AUTS2: variants seen among roughly 807,000 people sequenced by gnomAD.
AUTS2 encodes the protein autism susceptibility gene 2 protein.
AUTS2 carries 17 observed loss-of-function variants against 112.4 expected under a neutral mutation model. The observed-to-expected ratio is 0.15, with a 90% CI of 0.10 to 0.23. The LOEUF is 0.23. Ranked by LOEUF, AUTS2 falls within the 10% of genes least tolerant of loss-of-function variation. The probability of loss-of-function intolerance (pLI) is 1.00; values close to 1 mark genes in which losing one functional copy is unlikely to be tolerated. For missense variants in AUTS2, 1,510 were observed against 1,701.6 expected (o/e 0.89, Z 1.98); for synonymous variants, 751 against 702.7 (o/e 1.07, Z -1.09).
intron 1 of AUTS2, among the ~76,000 whole-genome samples, chr7:69,834,088 A>G (rs188695522): frequency 2.1e-4 from 32 of 152,192 alleles, no homozygotes; most frequent in African/African-American, 7.5e-4. Context: ...TAAGTCCTTT[A>G]CACTTGCTTT....
chr7:69,798,943 A>C (rs983227578), intron 1 of AUTS2, among the ~76,000 whole-genome samples: 2 of 151,996 alleles, frequency 1.3e-5, no homozygotes, highest in African/African-American at 4.8e-5. Flanking sequence ...GTGAGCTTTA[A>C]TGGCACCACT....
chr7:70,245,875 C>T (rs147364762), intron 4 of AUTS2, among the ~76,000 whole-genome samples: 2 of 152,084 alleles, frequency 1.3e-5, no homozygotes, highest in East Asian at 3.9e-4. Flanking sequence ...TTGTTGCCAT[C>T]GTTTCCACAT....
At chr7:69,821,613 C>A (rs914427229) in intron 1 of AUTS2, among the ~76,000 whole-genome samples, 41 of 152,144 alleles carry the variant, frequency 2.7e-4, no homozygotes, top group African/African-American at 9.4e-4. Flanking sequence ...AGAGCTGCAA[C>A]ACTCACCGCG....
chr7:69,922,538 C>T (rs1037418264), intron 2 of AUTS2, among the ~76,000 whole-genome samples: 2 of 152,184 alleles, frequency 1.3e-5, no homozygotes, highest in African/African-American at 4.8e-5. Flanking sequence ...AGAGAAACCA[C>T]ATTTTCATGC....
chr7:70,000,652 G>A (rs1799149938), intron 2 of AUTS2, among the ~76,000 whole-genome samples: 1 of 152,100 alleles, frequency 6.6e-6, no homozygotes. Flanking sequence ...TTTGAACTGA[G>A]AAATGTGTGT....
At chr7:70,369,836 A>G (rs1158006929) in intron 4 of AUTS2, among the ~76,000 whole-genome samples, 1 of 152,180 alleles carries the variant, frequency 6.6e-6, no homozygotes, top group East Asian at 1.9e-4. Flanking sequence ...ATACGACTTG[A>G]ATGACTTCCT....
At chr7:70,120,620 A>T (rs1212930131) in intron 3 of AUTS2, among the ~76,000 whole-genome samples, 1 of 152,130 alleles carries the variant, frequency 6.6e-6, no homozygotes, top group Non-Finnish European at 1.5e-5. Context: ...TAGTGTAGAG[A>T]AATGAACGCC....
chr7:69,924,504 GTTA>G (rs973915929), intron 2 of AUTS2, among the ~76,000 whole-genome samples: 4 of 149,376 alleles, frequency 2.7e-5, no homozygotes, highest in African/African-American at 4.9e-5. Flanking sequence ...GTGTAGAATT[GTTA>G]TTATTTCTTT....
At chr7:69,983,066 C>T (rs560288253) in intron 2 of AUTS2, among the ~76,000 whole-genome samples, 2 of 152,278 alleles carry the variant, frequency 1.3e-5, no homozygotes, top group South Asian at 4.1e-4. Flanking sequence ...AATGGCGTAA[C>T]CAGATTTGAA....
intron 4 of AUTS2, among the ~76,000 whole-genome samples, chr7:70,195,016 A>G (rs1810099472): frequency 1.3e-5 from 2 of 152,102 alleles, no homozygotes; most frequent in South Asian, 2.1e-4. Flanking sequence ...CAATATTTCT[A>G]CCTTTTCTTG....
intron 1 of AUTS2, among the ~76,000 whole-genome samples, chr7:69,833,283 A>G (rs2129527707): frequency 6.6e-6 from 1 of 152,268 alleles, no homozygotes; most frequent in South Asian, 2.1e-4. Flanking sequence ...ATATCCATGC[A>G]GCAGGTATGA....
At chr7:69,830,892 T>G (rs902575837) in intron 1 of AUTS2, among the ~76,000 whole-genome samples, 1 of 152,204 alleles carries the variant, frequency 6.6e-6, no homozygotes, top group Non-Finnish European at 1.5e-5. Context: ...CGAAGGTGAC[T>G]TGAAGGTATT....
At chr7:70,681,414 A>T (rs1402187810) in intron 5 of AUTS2, among the ~76,000 whole-genome samples, 1 of 152,146 alleles carries the variant, frequency 6.6e-6, no homozygotes, top group Admixed American at 6.5e-5. Flanking sequence ...GAATCAGAGG[A>T]GAGGCTTGGG....
Position 70,350,652 on chromosome 7 carries a change from A to G in AUTS2, c.661-85100A>G, listed in dbSNP as rs182603701. 1.9e-3 allele frequency among the ~76,000 whole-genome samples: 293 copies of G among 152,282 alleles called. 3 individuals carry two copies. Among genetic ancestry groups the G allele is most frequent in the African/African-American group, 6.3e-3 (263 of 41,558 alleles). On this transcript the variant is annotated intron_variant, in intron 4 of 18. Transcript: ENST00000342771. ...CACATGGGAGCTACAATTCAAGATG[A>G]GATTTGGGTGGGGACACAGCCAAAC...
chr7:69,928,869 C>T (rs1341618452), intron 2 of AUTS2, among the ~76,000 whole-genome samples: 4 of 152,196 alleles, frequency 2.6e-5, no homozygotes, highest in Admixed American at 6.5e-5. Flanking sequence ...CTTGCTGGTT[C>T]TAAGTGAACA....
chr7:69,769,205 A>G (rs573777424), intron 1 of AUTS2, among the ~76,000 whole-genome samples: 27 of 152,366 alleles, frequency 1.8e-4, no homozygotes, highest in Non-Finnish European at 1.5e-5. Flanking sequence ...ATGTTGAATA[A>G]TCTATTAAAT....
intron 5 of AUTS2, among the ~76,000 whole-genome samples, chr7:70,529,248 C>T (rs557077452): frequency 6.6e-6 from 1 of 152,306 alleles, no homozygotes; most frequent in South Asian, 2.1e-4. Flanking sequence ...CCAAAATCAA[C>T]GATAGCAGTG....
In AUTS2 at chr7:70,408,041, G is replaced by A. The variant is rs570328623; in HGVS notation, c.661-27711G>A. Among the ~76,000 whole-genome samples the A allele has an allele frequency of 4.9e-5, 7 of 144,222 alleles. No homozygotes were observed. In the South Asian group the frequency reaches 6.7e-4, roughly 14 times the overall value. 94.6% of individuals were successfully genotyped at this position (144,222 alleles called of 152,430 possible). On this transcript the variant is annotated intron_variant, in intron 4 of 18. Coordinates refer to ENST00000342771, the MANE Select transcript of AUTS2 (RefSeq NM_015570.4). ...TGCACTCCAGCCTGGGCGACAGAGC[G>A]AGACTCCATCTCAAAAAAAAAAAAA...
At position 70,123,088 on chromosome 7, in the gene AUTS2, C is replaced by T. The variant is rs556036600; in HGVS notation, c.624+4855C>T. ...GATGGGCTTCACCATGTTGGCCAGG[C>T]TGGTCTCAAACTCCTGACCTCAGGT... On this transcript the variant is annotated intron_variant, in intron 3 of 18. Coordinates refer to ENST00000342771, the MANE Select transcript of AUTS2 (RefSeq NM_015570.4). Among the ~76,000 whole-genome samples, 4 of 152,088 alleles carry T rather than the reference C, an allele frequency of 2.6e-5. No homozygotes were observed. In the South Asian group the frequency reaches 8.3e-4, roughly 32 times the overall value.
Sources: gnomAD v4.1 joint callset for allele counts (sites outside exome capture counted in the v4.1 genomes callset) on GRCh38, gnomAD v4.1.1 for gene constraint, MANE v1.5 for transcripts, NCBI Gene and HGNC (gene_info 2026-07-23, HGNC 2026-07-21) for gene names.